Variants in EHD3 observed in about 807,000 individuals in gnomAD.
The protein encoded by EHD3 is EH domain-containing protein 3.
EHD3 carries 17 observed loss-of-function variants against 43.0 expected under a neutral mutation model. The ratio of observed to expected loss-of-function variants is 0.40; its 90% CI spans 0.27 to 0.59. EHD3 has a LOEUF of 0.59. Among genes scored for constraint, EHD3 ranks in the 20% least tolerant of loss-of-function variants. The pLI is 0.49. For synonymous variants in EHD3, 313 were observed against 289.5 expected (o/e 1.08, Z -0.82); for missense variants, 594 against 705.6 (o/e 0.84, Z 1.79).
At chr2:31,241,498 AATGAATTT>A (rs1348967402) in intron 1 of EHD3, among the ~76,000 whole-genome samples, 16 of 152,376 alleles carry the variant, frequency 1.1e-4, no homozygotes, top group Non-Finnish European at 1.8e-4. Context: ...TAACTTCTGC[AATGAATTT>A]AATCCCCAGA....
Position 31,266,033 on chromosome 2 carries a change from A to C in EHD3, c.1081-144A>C, listed in dbSNP as rs1301074173. ...TACCTTCGATTACCACGTGATGTCC[A>C]TCAGCTGAGCCTCTAGGTCACAGGT... On this transcript the variant is annotated intron_variant, in intron 5 of 5. Coordinates refer to ENST00000322054, the MANE Select transcript of EHD3 (RefSeq NM_014600.3). This position sits in a 1 kb window ranked among gnomAD's most constrained non-coding sequence, Gnocchi z 5.1. 6.6e-6 allele frequency: 7 copies of C among 1,059,382 alleles called. No individual in the cohort carries two copies. The Admixed American group carries it at 8.5e-5, about 13-fold the overall frequency. The allele number at this position is 1,059,382 out of a possible 1,614,324, so 65.6% of individuals were successfully genotyped here.
chr2:31,257,020 G>A (rs1422198020), intron 3 of EHD3, among the ~76,000 whole-genome samples: 5 of 152,232 alleles, frequency 3.3e-5, no homozygotes, highest in Non-Finnish European at 7.3e-5. Context: ...GGACAGGTGA[G>A]AGGGAGCTGC....
At chr2:31,251,326 G>C (rs991263318) in intron 3 of EHD3, among the ~76,000 whole-genome samples, 8 of 152,338 alleles carry the variant, frequency 5.3e-5, no homozygotes, top group African/African-American at 1.7e-4. Flanking sequence ...AGGGAAGACA[G>C]TGAGAGAGGC....
Position 31,261,559 on chromosome 2 carries a change from A to G in EHD3, c.926A>G (p.Tyr309Cys), listed in dbSNP as rs1220733082. The change falls in exon 5 of 6, where the codon TAC becomes TGC. Residue 309 changes from tyrosine to cysteine, a missense_variant. Coordinates refer to ENST00000322054, the MANE Select transcript of EHD3 (RefSeq NM_014600.3). Reference protein sequence around the residue: ...KRARLAKVHAYIISSLKKEMP... With the variant: ...KRARLAKVHACIISSLKKEMP... ...GGCCCTGTTTGTCAGGTCCACGCCT[A>G]CATCATCAGCTCTCTGAAGAAGGAG... is the stretch of plus-strand genomic sequence containing the variant. The G allele has an allele frequency of 3.1e-6, 5 of 1,614,106 alleles. No homozygotes were observed. The highest frequency in any genetic ancestry group is 4.2e-6 in the Non-Finnish European group (5 of 1,180,048).
At chr2:31,250,148 A>T (rs1428319159) in intron 3 of EHD3, among the ~76,000 whole-genome samples, 1 of 151,940 alleles carries the variant, frequency 6.6e-6, no homozygotes, top group East Asian at 1.9e-4. Context: ...TATCCATCTT[A>T]CAGAGTTGTT....
intron 1 of EHD3, among the ~76,000 whole-genome samples, chr2:31,240,455 C>A (rs1006807612): frequency 1.1e-4 from 16 of 152,196 alleles, no homozygotes; most frequent in African/African-American, 3.9e-4. Context: ...CTGCTGTAAG[C>A]CATACCCAAA....
chr2:31,243,121 C>CA lies in EHD3; in HGVS notation c.228-1146dup, dbSNP rs981349604. On this transcript the variant is annotated intron_variant, in intron 1 of 5. Coordinates refer to ENST00000322054, the MANE Select transcript of EHD3 (RefSeq NM_014600.3). ...GGGAAGCCCCGTCTTTACAAAAATA[C>CA]AAAAAAATTAGCCAGGCATGGTGGC... Among the ~76,000 whole-genome samples, 6 of 149,608 alleles carry CA rather than the reference C, an allele frequency of 4.0e-5. 1 individual carries two copies. The highest frequency in any genetic ancestry group is 9.9e-5 in the African/African-American group (4 of 40,600).
Position 31,260,661 on chromosome 2 carries a change from G to A in EHD3, c.654G>A (p.Leu218=), listed in dbSNP as rs767114443. The change falls in exon 4 of 6, where the codon CTG becomes CTA. Residue 218 remains leucine (L), a synonymous_variant. Coordinates refer to ENST00000322054, the MANE Select transcript of EHD3 (RefSeq NM_014600.3). This position sits in a 1 kb window ranked among gnomAD's most constrained non-coding sequence, Gnocchi z 4.6. ...KNHEDKMRVV[L]NKADQIETQQ... ...ACGAGGACAAGATGCGAGTGGTGCTGAACAAAGCTGACCAGATCGAGACGC... is the reference window on the plus strand; with the variant it reads ...ACGAGGACAAGATGCGAGTGGTGCTAAACAAAGCTGACCAGATCGAGACGC... 3 of 1,614,204 alleles carry A rather than the reference G, an allele frequency of 1.9e-6. No individual in the cohort carries two copies. The Admixed American group carries it at 5.0e-5, about 27-fold the overall frequency.
At chr2:31,235,121 C>T (rs1230196112) in intron 1 of EHD3, among the ~76,000 whole-genome samples, 1 of 152,160 alleles carries the variant, frequency 6.6e-6, no homozygotes. Context: ...CCAGTCTCCC[C>T]ATCTTATGGA....
At chr2:31,258,310 C>T (rs938034007) in intron 3 of EHD3, among the ~76,000 whole-genome samples, 12 of 152,034 alleles carry the variant, frequency 7.9e-5, no homozygotes, top group African/African-American at 2.9e-4. Flanking sequence ...GTTTTCCCGA[C>T]CGTCTGATCC....
intron 3 of EHD3, among the ~76,000 whole-genome samples, chr2:31,253,360 A>G (rs1008211976): frequency 6.6e-6 from 1 of 151,988 alleles, no homozygotes; most frequent in African/African-American, 2.4e-5. Context: ...GCCACAGAGC[A>G]GACTGGGTGC....
At chr2:31,256,153 G>A (rs1683748681) in intron 3 of EHD3, among the ~76,000 whole-genome samples, 1 of 152,190 alleles carries the variant, frequency 6.6e-6, no homozygotes, top group Non-Finnish European at 1.5e-5. Flanking sequence ...GGAAACGAGA[G>A]GTGGACTCAC....
Position 31,266,140 on chromosome 2 carries a change from C to G in EHD3, c.1081-37C>G. 6.4e-7 allele frequency: 1 copy of G among 1,571,130 alleles called. No homozygotes were observed. Among genetic ancestry groups the G allele is most frequent in the Non-Finnish European group, 8.7e-7 (1 of 1,155,652 alleles). The stretch of plus-strand genomic sequence containing the variant: ...GATAAATGGAGGGCTCTCCTTTCAT[C>G]GTATCCTATCTTCATCCTCTCTCCT... On this transcript the variant is annotated intron_variant, in intron 5 of 5. Coordinates refer to ENST00000322054, the MANE Select transcript of EHD3 (RefSeq NM_014600.3). The surrounding 1 kb of genome is among the most constrained non-coding windows in gnomAD (Gnocchi z 5.1).
rs770791645 is a variant in EHD3 at position 31,234,612 on chromosome 2, G to A, written c.-10G>A. 3.1e-6 allele frequency: 5 copies of A among 1,612,804 alleles called. No individual in the cohort carries two copies. The South Asian group carries it at 4.4e-5, about 14-fold the overall frequency. ...CTGGGGCTGCGTGCCGGGGGCGAGC[G>A]GCGGCCGCGATGTTCAGCTGGCTGG... On this transcript the variant is annotated 5_prime_UTR_variant, in exon 1 of 6. Coordinates refer to ENST00000322054, the MANE Select transcript of EHD3 (RefSeq NM_014600.3).
intron 1 of EHD3, 60 bp downstream of exon 1, chr2:31,234,908 C>A: frequency 6.6e-7 from 1 of 1,507,564 alleles, no homozygotes; most frequent in South Asian, 1.1e-5. Context: ...TCCCTCCGGT[C>A]ACTCCTGGTG....
At chr2:31,253,745 G>A (rs1683685561) in intron 3 of EHD3, among the ~76,000 whole-genome samples, 1 of 152,206 alleles carries the variant, frequency 6.6e-6, no homozygotes. Context: ...TGTCTTGTGG[G>A]AAGAAGGCTG....
chr2:31,252,696 T>C (rs75055601), intron 3 of EHD3, among the ~76,000 whole-genome samples: 2,863 of 152,270 alleles, frequency 0.019, 109 homozygotes, highest in African/African-American at 0.064. Flanking sequence ...GCCTTTGTCT[T>C]TGGACCCCAG....
chr2:31,261,992 C>G (rs1683867931), intron 5 of EHD3, among the ~76,000 whole-genome samples: 2 of 152,216 alleles, frequency 1.3e-5, no homozygotes, highest in African/African-American at 4.8e-5. Flanking sequence ...ATGACCTTCT[C>G]TAGTCACAGC....
At chr2:31,265,704 G>A (rs1022187455) in intron 5 of EHD3, among the ~76,000 whole-genome samples, 10 of 152,148 alleles carry the variant, frequency 6.6e-5, no homozygotes, top group African/African-American at 1.9e-4. Flanking sequence ...GGGAGTGAAC[G>A]AGGTAATGTA....
Sources: gnomAD v4.1 joint callset for allele counts (sites outside exome capture counted in the v4.1 genomes callset) on GRCh38, gnomAD v4.1.1 for gene constraint, Gnocchi (gnomAD v3.1) non-coding constraint, MANE v1.5 for transcripts, NCBI Gene and HGNC (gene_info 2026-07-23, HGNC 2026-07-21) for gene names.